Variants in WWC1 observed in about 807,000 individuals in gnomAD.
The protein encoded by WWC1 is WW and C2 domain containing 1.
A neutral mutation model predicts 138.4 loss-of-function variants in WWC1; 55 were observed. That is an observed-to-expected ratio of 0.40 (90% CI 0.32 to 0.50). The LOEUF is 0.50. WWC1 is among the 20% of genes least tolerant of loss of function. The probability of loss-of-function intolerance (pLI) is 0.72; values close to 1 mark genes in which losing one functional copy is unlikely to be tolerated. For synonymous variants in WWC1, 524 were observed against 564.9 expected (o/e 0.93, Z 1.03); for missense variants, 1,226 against 1,420.4 (o/e 0.86, Z 2.20).
intron 5 of WWC1, among the ~76,000 whole-genome samples, chr5:168,403,028 TTCTTTCTTTCTTTCTTTCTTTC>T (rs1779452308): frequency 8.0e-6 from 1 of 125,034 alleles, no homozygotes; most frequent in African/African-American, 3.4e-5. Flanking sequence ...CTTTCTTTCT[TTCTTTCTTTCTTTCTTTCTTTC>T]TTTCTTTCTT....
At chr5:168,443,993 T>C (rs1182570957) in intron 16 of WWC1, among the ~76,000 whole-genome samples, 2 of 152,238 alleles carry the variant, frequency 1.3e-5, no homozygotes, top group Non-Finnish European at 2.9e-5. Flanking sequence ...TCAAGTCACA[T>C]GGGCTTTTTC....
intron 1 of WWC1, among the ~76,000 whole-genome samples, chr5:168,314,305 T>C (rs12522354): frequency 0.35 from 52,812 of 152,034 alleles, 9,578 homozygotes; most frequent in Admixed American, 0.41. Flanking sequence ...TGGTGGCTCA[T>C]GCCTGTAATC....
In WWC1 at chr5:168,465,077, G is replaced by C. The variant is rs1043997904; in HGVS notation, c.3150+115G>C. 1.3e-5 allele frequency: 18 copies of C among 1,430,210 alleles called. No individual in the cohort carries two copies. The East Asian group carries it at 4.5e-4, about 36-fold the overall frequency. The allele number at this position is 1,430,210 out of a possible 1,614,324, so 88.6% of individuals were successfully genotyped here. On this transcript the variant is annotated intron_variant, in intron 21 of 22. Coordinates refer to ENST00000265293, the MANE Select transcript of WWC1 (RefSeq NM_015238.3). ...GATGCATCCTACAATTCCCACCACA[G>C]GTTCCACTGAGGGTGTTCCACCCAT...
intron 3 of WWC1, among the ~76,000 whole-genome samples, chr5:168,397,107 G>A (rs1226935262): frequency 1.3e-5 from 2 of 150,692 alleles, no homozygotes; most frequent in African/African-American, 4.9e-5. Context: ...GCATATGTGT[G>A]TGTATATTTG....
At chr5:168,396,319 GT>G (rs1778902000) in intron 3 of WWC1, among the ~76,000 whole-genome samples, 1 of 152,166 alleles carries the variant, frequency 6.6e-6, no homozygotes, top group Non-Finnish European at 1.5e-5. Context: ...GGAGGCAGAG[GT>G]TGTAGTGAGC....
At chr5:168,457,976 A>G (rs1756480792) in intron 19 of WWC1, among the ~76,000 whole-genome samples, 1 of 152,206 alleles carries the variant, frequency 6.6e-6, no homozygotes, top group Non-Finnish European at 1.5e-5. Context: ...GGCCTGGAGC[A>G]TTTGCATCCA....
intron 1 of WWC1, among the ~76,000 whole-genome samples, chr5:168,346,696 G>A (rs1411472150): frequency 1.3e-5 from 2 of 152,188 alleles, no homozygotes; most frequent in African/African-American, 2.4e-5. Context: ...AGTAAAAGCC[G>A]GGACCTCCCA....
In WWC1 at chr5:168,292,291, C is replaced by T. The variant is rs750364347; in HGVS notation, c.119+20C>T. The T allele has an allele frequency of 4.6e-5, 73 of 1,579,202 alleles. No homozygotes were observed. The Middle Eastern group carries it at 1.3e-3, about 29-fold the overall frequency. On this transcript the variant is annotated intron_variant, in intron 1 of 22. Transcript: ENST00000265293. The surrounding 1 kb of genome is among the most constrained non-coding windows in gnomAD (Gnocchi z 4.4). Reference sequence around the variant, plus strand: ...GGACAGGTAGGACCCTGGAACCCTCCTCCGTGCCCCCACACCCCCGCCTGG... The same window carrying T: ...GGACAGGTAGGACCCTGGAACCCTCTTCCGTGCCCCCACACCCCCGCCTGG...
chr5:168,426,015 C>A (rs539123234), intron 11 of WWC1, among the ~76,000 whole-genome samples: 1 of 152,184 alleles, frequency 6.6e-6, no homozygotes, highest in Non-Finnish European at 1.5e-5. Flanking sequence ...AGACCCATGT[C>A]AGCTCTGTGG....
chr5:168,444,890 A>G (rs1426097245), intron 17 of WWC1, among the ~76,000 whole-genome samples: 1 of 150,622 alleles, frequency 6.6e-6, no homozygotes, highest in Non-Finnish European at 1.5e-5. Flanking sequence ...AAGAAACTTT[A>G]TGTTACTCTA....
At chr5:168,466,778 T>C (rs1377930612) in intron 21 of WWC1, among the ~76,000 whole-genome samples, 1 of 152,216 alleles carries the variant, frequency 6.6e-6, no homozygotes, top group Non-Finnish European at 1.5e-5. Flanking sequence ...TTGAGCTTCC[T>C]GGTAACCAAG....
chr5:168,329,207 C>A (rs1772827316), intron 1 of WWC1, among the ~76,000 whole-genome samples: 1 of 152,114 alleles, frequency 6.6e-6, no homozygotes, highest in African/African-American at 2.4e-5. Flanking sequence ...CACAATTTAC[C>A]CTGAGCAGGG....
chr5:168,431,322 G>A lies in WWC1; in HGVS notation c.2158G>A (p.Ala720Thr), dbSNP rs141513893. 48 of 1,614,016 alleles carry A rather than the reference G, an allele frequency of 3.0e-5. No homozygotes were observed. Among genetic ancestry groups the A allele is most frequent in the Non-Finnish European group, 3.5e-5 (41 of 1,180,018 alleles). Residue 720 changes from alanine (A) to threonine (T), a missense_variant, in exon 15 of 23, where the codon GCC becomes ACC. This residue lies in a region of WWC1 where 1,016 missense variants were observed against 1,153.9 expected (regional missense o/e 0.88). Coordinates refer to ENST00000265293, the MANE Select transcript of WWC1 (RefSeq NM_015238.3). ...TCLFRTRPLD[A>T]SDTLVFNEVF... ...CCTGTTCCGGACCCGGCCTCTGGAC[G>A]CCTCAGACACTCTAGTGTTCAATGA...
At chr5:168,380,651 T>A (rs1777560071) in intron 2 of WWC1, among the ~76,000 whole-genome samples, 1 of 152,170 alleles carries the variant, frequency 6.6e-6, no homozygotes, top group Admixed American at 6.5e-5. Context: ...TTGCGAAGTA[T>A]AATCCAGCAA....
At chr5:168,318,980 G>T (rs948805896) in intron 1 of WWC1, among the ~76,000 whole-genome samples, 1 of 152,136 alleles carries the variant, frequency 6.6e-6, no homozygotes, top group Non-Finnish European at 1.5e-5. Context: ...TATGTGAGAT[G>T]TATATACATA....
chr5:168,295,520 T>TGTG (rs1230283274), intron 1 of WWC1, among the ~76,000 whole-genome samples: 12 of 76,042 alleles, frequency 1.6e-4, no homozygotes, highest in Non-Finnish European at 3.0e-4. Context: ...GTGTGTGTGT[T>TGTG]TATTTGCCTT....
chr5:168,397,871 A>G (rs955568986), intron 4 of WWC1, 71 bp downstream of exon 4: 4 of 1,537,446 alleles, frequency 2.6e-6, no homozygotes, highest in African/African-American at 2.7e-5. Flanking sequence ...AAGCCCACCC[A>G]CAAGACCAGA....
intron 1 of WWC1, among the ~76,000 whole-genome samples, chr5:168,327,664 C>G (rs1352898189): frequency 6.6e-6 from 1 of 152,152 alleles, no homozygotes; most frequent in Admixed American, 6.5e-5. Flanking sequence ...TCTGCTTTGT[C>G]TCTGCAGTAA....
intron 1 of WWC1, among the ~76,000 whole-genome samples, chr5:168,323,071 T>C (rs1772248865): frequency 6.6e-6 from 1 of 152,180 alleles, no homozygotes; most frequent in Non-Finnish European, 1.5e-5. Context: ...CTTTAAAAGA[T>C]AATTGACTGT....
Sources: gnomAD v4.1 joint callset for allele counts (sites outside exome capture counted in the v4.1 genomes callset) on GRCh38, gnomAD v4.1.1 for gene constraint, gnomAD v4.1.1 regional missense constraint, Gnocchi (gnomAD v3.1) non-coding constraint, MANE v1.5 for transcripts, NCBI Gene and HGNC (gene_info 2026-07-23, HGNC 2026-07-21) for gene names.